Variants in KCNMA1 observed in about 807,000 individuals in gnomAD.
The protein encoded by KCNMA1 is Calcium-activated potassium channel subunit alpha-1.
A neutral mutation model predicts 140.0 loss-of-function variants in KCNMA1; 29 were observed. That is an observed-to-expected ratio of 0.21 (90% CI 0.15 to 0.28). The LOEUF is 0.28. Among genes scored for constraint, KCNMA1 ranks in the 10% least tolerant of loss-of-function variants. KCNMA1 has a pLI of 1.00. For missense variants in KCNMA1, 880 were observed against 1,602.2 expected, an observed-to-expected ratio of 0.55 and a Z score of 7.70; for synonymous variants, 612 against 611.9, an observed-to-expected ratio of 1.00 and a Z score of 0.00.
At chr10:77,402,180 C>T (rs2096289061) in intron 2 of KCNMA1, among the ~76,000 whole-genome samples, 2 of 152,166 alleles carry the variant, frequency 1.3e-5, no homozygotes, top group African/African-American at 4.8e-5. Context: ...CAGAATTCAA[C>T]CTCTCTTAAG....
At chr10:77,611,071 G>A (rs924006075) in intron 1 of KCNMA1, among the ~76,000 whole-genome samples, 8 of 152,226 alleles carry the variant, frequency 5.3e-5, no homozygotes, top group Non-Finnish European at 5.9e-5. Context: ...CAATTTCACA[G>A]GGATGCTATG....
At chr10:77,326,864 T>C (rs558147356) in intron 2 of KCNMA1, among the ~76,000 whole-genome samples, 162 of 152,254 alleles carry the variant, frequency 1.1e-3, no homozygotes, top group African/African-American at 3.7e-3. Flanking sequence ...GAATGATCTG[T>C]AGTCCTTTCT....
At chr10:77,438,265 T>C (rs1206155687) in intron 1 of KCNMA1, among the ~76,000 whole-genome samples, 1 of 152,086 alleles carries the variant, frequency 6.6e-6, no homozygotes, top group Non-Finnish European at 1.5e-5. Context: ...TCTGTTGGCA[T>C]CCAGTTTCTA....
At chr10:76,950,799 G>T (rs1008845640) in intron 21 of KCNMA1, among the ~76,000 whole-genome samples, 1 of 152,220 alleles carries the variant, frequency 6.6e-6, no homozygotes, top group African/African-American at 2.4e-5. Context: ...TAAAGCAGGG[G>T]CTGTCACCAT....
chr10:77,118,048 G>A (rs11002021), intron 6 of KCNMA1, among the ~76,000 whole-genome samples: 13,442 of 152,222 alleles, frequency 0.088, 1,376 homozygotes, highest in East Asian at 0.5. Flanking sequence ...GGCAGCCAAA[G>A]TACTGGAAAT....
intron 3 of KCNMA1, among the ~76,000 whole-genome samples, chr10:77,207,367 C>T (rs2044489661): frequency 6.6e-6 from 1 of 152,182 alleles, no homozygotes; most frequent in Admixed American, 6.5e-5. Flanking sequence ...GGGGTTCAAA[C>T]TCTAGTTCCT....
chr10:77,066,093 T>C (rs1227985735), intron 14 of KCNMA1, among the ~76,000 whole-genome samples: 3 of 152,116 alleles, frequency 2.0e-5, no homozygotes, highest in African/African-American at 7.2e-5. Context: ...TGGGACCCCA[T>C]GGAGAGACTT....
intron 1 of KCNMA1, among the ~76,000 whole-genome samples, chr10:77,491,714 T>TACACACACACACAC (rs3071912): frequency 9.6e-5 from 14 of 145,484 alleles, no homozygotes; most frequent in African/African-American, 2.8e-4. Context: ...TTAGAAGTCA[T>TACACACACACACAC]ACACACACAC....
chr10:77,592,764 C>T (rs777651226), intron 1 of KCNMA1, among the ~76,000 whole-genome samples: 4 of 152,160 alleles, frequency 2.6e-5, no homozygotes, highest in East Asian at 1.9e-4. Flanking sequence ...ATTCTGACCA[C>T]GCTTTGAACA....
At chr10:77,509,387 G>A (rs577205055) in intron 1 of KCNMA1, among the ~76,000 whole-genome samples, 7 of 152,240 alleles carry the variant, frequency 4.6e-5, no homozygotes, top group East Asian at 3.9e-4. Context: ...CAAAGTTCTC[G>A]GATTATAGGC....
chr10:76,968,825 T>C lies in KCNMA1; in HGVS notation c.2360+1149A>G, dbSNP rs1327764774. ...GGGTGAGTCTTCCACGGAAAACCTG[T>C]GTCCTCAACCACATGAAGAAAGACT... is the stretch of plus-strand genomic sequence containing the variant. On this transcript the variant is annotated intron_variant, in intron 20 of 27. Transcript: ENST00000286628. Among the ~76,000 whole-genome samples the C allele has an allele frequency of 2.0e-5, 3 of 152,198 alleles. No homozygotes were observed. The South Asian group carries it at 6.2e-4, about 32-fold the overall frequency.
rs2082726083 is a variant in KCNMA1 at position 77,601,761 on chromosome 10, A to G, written c.378+35504T>C. On this transcript the variant is annotated intron_variant, in intron 1 of 27. Coordinates refer to ENST00000286628, the MANE Select transcript of KCNMA1 (RefSeq NM_001161352.2). ...AGGCCACTTTATTTGTCAGTGACTC[A>G]ACCAGGAACCACATGGACTTCAAGG... 2.6e-5 allele frequency among the ~76,000 whole-genome samples: 4 copies of G among 152,176 alleles called. No homozygotes were observed. In the South Asian group the frequency reaches 8.3e-4, roughly 32 times the overall value.
intron 1 of KCNMA1, among the ~76,000 whole-genome samples, chr10:77,578,599 A>G (rs1567666117): frequency 6.6e-6 from 1 of 151,958 alleles, no homozygotes; most frequent in African/African-American, 2.4e-5. Flanking sequence ...AGAAGTGACA[A>G]CCTCTCACCA....
chr10:77,012,165 T>A (rs1593563222), intron 17 of KCNMA1, 122 bp from the exon 18 acceptor site: 2 of 1,562,276 alleles, frequency 1.3e-6, no homozygotes, highest in East Asian at 4.7e-5. Context: ...TCCTTTAATC[T>A]TTTGAAAGGT....
In KCNMA1 at chr10:77,108,365, G is replaced by A. The variant is rs977980039; in HGVS notation, c.1223+116C>T. 33 of 1,594,546 alleles carry A rather than the reference G, an allele frequency of 2.1e-5. No individual in the cohort carries two copies. Among genetic ancestry groups the A allele is most frequent in the African/African-American group, 1.8e-4 (13 of 73,922 alleles). ...AGAGCAGCAATTTCGGGCACGTAGCGGGCAAACATTGCCTACATGCATGAA... is the reference window on the plus strand; with the variant it reads ...AGAGCAGCAATTTCGGGCACGTAGCAGGCAAACATTGCCTACATGCATGAA... On this transcript the variant is annotated intron_variant, in intron 9 of 27. Coordinates refer to ENST00000286628, the MANE Select transcript of KCNMA1 (RefSeq NM_001161352.2). This position sits in a 1 kb window ranked among gnomAD's most constrained non-coding sequence, Gnocchi z 4.6.
At chr10:77,577,327 C>T (rs1007582423) in intron 1 of KCNMA1, among the ~76,000 whole-genome samples, 2 of 152,080 alleles carry the variant, frequency 1.3e-5, no homozygotes, top group South Asian at 2.1e-4. Context: ...GGATTGCAGG[C>T]GTGAGCCACC....
intron 14 of KCNMA1, among the ~76,000 whole-genome samples, 189 bp from the exon 15 acceptor site, chr10:77,039,826 C>T (rs2153580175): frequency 6.6e-6 from 1 of 151,860 alleles, no homozygotes; most frequent in Non-Finnish European, 1.5e-5. Flanking sequence ...AAAGTGTGTG[C>T]CCTCTAAAAC....
intron 1 of KCNMA1, among the ~76,000 whole-genome samples, chr10:77,448,929 A>C (rs537002486): frequency 7.2e-5 from 11 of 152,234 alleles, no homozygotes; most frequent in African/African-American, 2.6e-4. Flanking sequence ...TCTACTAAAA[A>C]TACAAAAATT....
intron 1 of KCNMA1, among the ~76,000 whole-genome samples, chr10:77,462,755 A>C (rs572463903): frequency 6.6e-6 from 1 of 152,122 alleles, no homozygotes; most frequent in Non-Finnish European, 1.5e-5. Flanking sequence ...ACGTTTCCTC[A>C]ATGGACGGAT....
Sources: allele counts gnomAD v4.1 joint callset (sites outside exome capture counted in the v4.1 genomes callset), GRCh38; gene constraint gnomAD v4.1.1; non-coding constraint Gnocchi (gnomAD v3.1); transcripts MANE v1.5; gene names NCBI Gene and HGNC (gene_info 2026-07-23, HGNC 2026-07-21).